Variants in TSPAN5 observed in about 807,000 individuals in gnomAD.
TSPAN5 encodes tetraspanin 5.
Under a neutral mutation model 37.1 loss-of-function variants are expected in TSPAN5, and 10 were observed. That is an observed-to-expected ratio of 0.27 (90% CI 0.17 to 0.46). The LOEUF is 0.46. Among genes scored for constraint, TSPAN5 ranks in the 20% least tolerant of loss-of-function variants. The probability of loss-of-function intolerance (pLI) is 1.00; values close to 1 mark genes in which losing one functional copy is unlikely to be tolerated. For missense variants in TSPAN5, 195 were observed against 326.6 expected (o/e 0.60, Z 3.11); for synonymous variants, 110 against 118.9 (o/e 0.93, Z 0.48).
chr4:98,515,586 T>TACAC (rs1255340245), intron 1 of TSPAN5, among the ~76,000 whole-genome samples: 4 of 151,626 alleles, frequency 2.6e-5, no homozygotes, highest in Non-Finnish European at 5.9e-5. Context: ...ATTTGACATT[T>TACAC]ACACACACAC....
rs1012434425 is a variant in TSPAN5, at chr4:98,637,215, T to C, written c.81+20931A>G. 1.4e-4 allele frequency among the ~76,000 whole-genome samples: 22 copies of C among 152,356 alleles called. No homozygotes were observed. The East Asian group carries it at 4.2e-3, about 29-fold the overall frequency. ...GGACTGCCGTTGCTCCTGCCCTTGA[T>C]GCACACAGCACTGCCACACTGCACA... On this transcript the variant is annotated intron_variant, in intron 1 of 7. Coordinates refer to ENST00000305798, the MANE Select transcript of TSPAN5 (RefSeq NM_005723.4).
chr4:98,476,376 C>A (rs369513497), intron 6 of TSPAN5, 37 bp downstream of exon 6: 10 of 1,613,934 alleles, frequency 6.2e-6, no homozygotes, highest in Non-Finnish European at 8.5e-6. Context: ...TCCTCCAACA[C>A]CCTTCGTGCT....
At chr4:98,635,893 C>A (rs188216616) in intron 1 of TSPAN5, among the ~76,000 whole-genome samples, 6 of 152,222 alleles carry the variant, frequency 3.9e-5, no homozygotes, top group Admixed American at 3.3e-4. Context: ...GACTGAACTG[C>A]TAAATAGGGT....
chr4:98,516,079 A>C (rs1241358792), intron 1 of TSPAN5, among the ~76,000 whole-genome samples: 1 of 152,186 alleles, frequency 6.6e-6, no homozygotes, highest in Admixed American at 6.5e-5. Flanking sequence ...GAATCCTTTC[A>C]GAAGAACGTG....
chr4:98,632,086 T>C (rs72688488), intron 1 of TSPAN5, among the ~76,000 whole-genome samples: 19,775 of 152,068 alleles, frequency 0.13, 1,597 homozygotes, highest in South Asian at 0.26. Flanking sequence ...CACAATGCAA[T>C]AGTGTCCTTG....
intron 1 of TSPAN5, among the ~76,000 whole-genome samples, chr4:98,541,548 G>A (rs1754355912): frequency 6.6e-6 from 1 of 151,820 alleles, no homozygotes; most frequent in Admixed American, 6.6e-5. Flanking sequence ...ATGGTGGCAT[G>A]CCTATAATCC....
chr4:98,609,828 G>A (rs900443884), intron 1 of TSPAN5, among the ~76,000 whole-genome samples: 2 of 152,154 alleles, frequency 1.3e-5, no homozygotes. Context: ...GGGGAGACAG[G>A]GCTGAGCCTG....
chr4:98,544,224 T>C (rs1376557949), intron 1 of TSPAN5, among the ~76,000 whole-genome samples: 3 of 152,132 alleles, frequency 2.0e-5, no homozygotes, highest in Non-Finnish European at 2.9e-5. Flanking sequence ...CTTACCTTGT[T>C]CCTAATTTAA....
intron 1 of TSPAN5, among the ~76,000 whole-genome samples, chr4:98,513,701 C>G (rs980246671): frequency 2.6e-5 from 4 of 152,160 alleles, no homozygotes; most frequent in Non-Finnish European, 5.9e-5. Context: ...CTAGCTTGAT[C>G]TAGTGGCACT....
intron 1 of TSPAN5, among the ~76,000 whole-genome samples, chr4:98,531,249 G>A (rs1485151715): frequency 6.6e-6 from 1 of 151,994 alleles, no homozygotes; most frequent in Non-Finnish European, 1.5e-5. Flanking sequence ...GCCCCAGTAT[G>A]TGATGTTCCC....
At chr4:98,631,190 T>C (rs939201770) in intron 1 of TSPAN5, among the ~76,000 whole-genome samples, 8 of 152,156 alleles carry the variant, frequency 5.3e-5, no homozygotes, top group African/African-American at 1.9e-4. Context: ...TGGCAAAACG[T>C]CCACAAGGCC....
chr4:98,637,716 T>C (rs1452975508), intron 1 of TSPAN5, among the ~76,000 whole-genome samples: 7 of 152,184 alleles, frequency 4.6e-5, no homozygotes, highest in Non-Finnish European at 1.0e-4. Context: ...ACAAAAACAA[T>C]TGTTCTGAAC....
chr4:98,499,729 G>A (rs992605569), intron 2 of TSPAN5, among the ~76,000 whole-genome samples: 9 of 137,280 alleles, frequency 6.6e-5, no homozygotes, highest in Non-Finnish European at 1.4e-4. Flanking sequence ...GGCGTGATCT[G>A]GGCTCACTGC....
rs983558017 is a variant in TSPAN5 at position 98,555,982 on chromosome 4, C to T, written c.82-48254G>A. Among the ~76,000 whole-genome samples the T allele has an allele frequency of 5.7e-5, 7 of 123,682 alleles. No homozygotes were observed. The South Asian group carries it at 9.6e-4, about 17-fold the overall frequency. 81.1% of individuals were successfully genotyped at this position (123,682 alleles called of 152,430 possible). ...ATCACTCCACACACGCGCGCGCACA[C>T]ACACGTGCGTGCGCACACACACACG... On this transcript the variant is annotated intron_variant, in intron 1 of 7. Coordinates refer to ENST00000305798, the MANE Select transcript of TSPAN5 (RefSeq NM_005723.4).
intron 1 of TSPAN5, among the ~76,000 whole-genome samples, chr4:98,533,946 A>AAAAAAAAAAAAAAAAAAAAAAAAAAAAAC (rs1754168166): frequency 7.1e-6 from 1 of 140,256 alleles, no homozygotes; most frequent in Non-Finnish European, 1.6e-5. Context: ...TCTTAAAAAA[A>AAAAAAAAAAAAAAAAAAAAAAAAAAAAAC]AAAAAAAAAA....
At chr4:98,487,002 A>G (rs185242728) in intron 2 of TSPAN5, 118 bp from the exon 3 acceptor site, 3 of 922,836 alleles carry the variant, frequency 3.3e-6, no homozygotes, top group South Asian at 3.3e-5. Flanking sequence ...AGGGCATCTG[A>G]TTATCAGGTA....
At chr4:98,509,702 T>C (rs1405515665) in intron 1 of TSPAN5, 2 of 152,178 alleles carry the variant, frequency 1.3e-5, no homozygotes, top group Admixed American at 1.3e-4. Flanking sequence ...CATTTTACAT[T>C]TCAGATCCAA....
intron 1 of TSPAN5, among the ~76,000 whole-genome samples, chr4:98,566,347 G>A (rs1290681072): frequency 3.3e-5 from 5 of 151,712 alleles, no homozygotes; most frequent in Non-Finnish European, 5.9e-5. Flanking sequence ...ACCTTATGGC[G>A]GGTGGGGGTG....
At chr4:98,541,247 G>A (rs762451861) in intron 1 of TSPAN5, among the ~76,000 whole-genome samples, 2 of 152,144 alleles carry the variant, frequency 1.3e-5, no homozygotes, top group Non-Finnish European at 2.9e-5. Context: ...GAGAGATGTG[G>A]ATTTGATAAC....
Sources: gnomAD v4.1 joint callset for allele counts (sites outside exome capture counted in the v4.1 genomes callset) on GRCh38, gnomAD v4.1.1 for gene constraint, MANE v1.5 for transcripts, NCBI Gene and HGNC (gene_info 2026-07-23, HGNC 2026-07-21) for gene names.